The following PIKFYVE variants were observed in gnomAD, a reference collection of about 807,000 sequenced individuals.
PIKFYVE encodes the protein 1-phosphatidylinositol 3-phosphate 5-kinase.
Under a neutral mutation model 257.9 loss-of-function variants are expected in PIKFYVE, and 122 were observed. That is an observed-to-expected ratio of 0.47 (90% confidence interval 0.41 to 0.55). PIKFYVE has a LOEUF of 0.55. Among genes scored for constraint, PIKFYVE ranks in the 20% least tolerant of loss-of-function variants. PIKFYVE has a pLI of 0.00. For missense variants in PIKFYVE, 2,160 were observed against 2,536.6 expected (o/e 0.85, Z 3.19); for synonymous variants, 892 against 868.9 (o/e 1.03, Z -0.47).
Position 208,317,897 on chromosome 2 carries a change from G to T in PIKFYVE, c.2038G>T (p.Val680Phe). The T allele has an allele frequency of 6.2e-7, 1 of 1,613,888 alleles. No homozygotes were observed. ...AGGTGGAAAGAAGTTTGATTCTGTG[G>T]TTGTCAATGGCTTTGTTTGTACCAA... Reference protein sequence around the residue: ...IPGGKKFDSVVVNGFVCTKNI... With the variant: ...IPGGKKFDSVFVNGFVCTKNI... The change falls in exon 16 of 42, where the codon GTT becomes TTT. Residue 680 changes from valine to phenylalanine, a missense_variant. This residue lies in a region of PIKFYVE where 346 missense variants were observed against 365.6 expected (regional missense o/e 0.95). Transcript: ENST00000264380.
intron 3 of PIKFYVE, among the ~76,000 whole-genome samples, chr2:208,275,906 T>C (rs1223409021): frequency 2.0e-5 from 3 of 152,234 alleles, no homozygotes; most frequent in African/African-American, 7.2e-5. Flanking sequence ...GTTGTAATTT[T>C]GGTCTAAATT....
intron 5 of PIKFYVE, among the ~76,000 whole-genome samples, chr2:208,278,655 G>A (rs1392347175): frequency 1.3e-5 from 2 of 152,040 alleles, no homozygotes; most frequent in Admixed American, 6.6e-5. Context: ...GAGAGCTTGC[G>A]GCATTTGGTT....
chr2:208,278,446 G>A (rs79148532), intron 5 of PIKFYVE, among the ~76,000 whole-genome samples: 2,953 of 150,792 alleles, frequency 0.02, 40 homozygotes, highest in African/African-American at 0.038. Flanking sequence ...TTAGATTCAT[G>A]TTTGTTACAG....
intron 12 of PIKFYVE, among the ~76,000 whole-genome samples, chr2:208,307,070 T>C (rs1422445305): frequency 6.6e-6 from 1 of 152,164 alleles, no homozygotes; most frequent in Admixed American, 6.6e-5. Flanking sequence ...TAAGCCACTG[T>C]GCCTGGCCCT....
At chr2:208,277,070 G>C (rs1690205485) in intron 4 of PIKFYVE, among the ~76,000 whole-genome samples, 1 of 152,158 alleles carries the variant, frequency 6.6e-6, no homozygotes, top group Admixed American at 6.6e-5. Flanking sequence ...GTTCAGGGCA[G>C]TAGATATTCT....
intron 12 of PIKFYVE, 53 bp downstream of exon 12, chr2:208,305,066 T>C (rs1421585222): frequency 2.5e-6 from 4 of 1,610,104 alleles, no homozygotes; most frequent in Non-Finnish European, 2.5e-6. Flanking sequence ...AGCTGGGCCA[T>C]AGGATCTCAT....
rs556493845 is a variant in PIKFYVE at position 208,287,359 on chromosome 2, C to T, written c.822-1370C>T. On this transcript the variant is annotated intron_variant, in intron 6 of 41. Coordinates refer to ENST00000264380, the MANE Select transcript of PIKFYVE (RefSeq NM_015040.4). ...CACGATCTCGGCTCACTGCAACCTTCTTTTCCTGGGTTCAAGCGATTCTCC... is the reference window on the plus strand; with the variant it reads ...CACGATCTCGGCTCACTGCAACCTTTTTTTCCTGGGTTCAAGCGATTCTCC... Among the ~76,000 whole-genome samples the T allele has an allele frequency of 7.3e-5, 11 of 150,104 alleles. No homozygotes were observed. The East Asian group carries it at 2.2e-3, about 29-fold the overall frequency.
rs951956920 is a variant in PIKFYVE, at chr2:208,354,727, T to C, written c.6181+82T>C. ...TTAAAAGTGGATACTGATTCTTTTTTTTAGTTGTAAAAAATAAGTGGTTAT... is the reference window on the plus strand; with the variant it reads ...TTAAAAGTGGATACTGATTCTTTTTCTTAGTTGTAAAAAATAAGTGGTTAT... On this transcript the variant is annotated intron_variant, in intron 41 of 41. Coordinates refer to ENST00000264380, the MANE Select transcript of PIKFYVE (RefSeq NM_015040.4). The C allele has an allele frequency of 3.8e-5, 42 of 1,105,032 alleles. No homozygotes were observed. The African/African-American group carries it at 6.1e-4, about 16-fold the overall frequency. The allele number at this position is 1,105,032 out of a possible 1,614,324, so 68.5% of individuals were successfully genotyped here. A position where few individuals can be genotyped will look rare whatever the true frequency, so the allele number is the denominator to read the frequency against.
At chr2:208,305,220 G>T in intron 12 of PIKFYVE, 2 of 1,457,046 alleles carry the variant, frequency 1.4e-6, no homozygotes, top group Middle Eastern at 2.5e-4. Flanking sequence ...TTCTCCCTCA[G>T]CACCACCATG....
At chr2:208,306,919 C>T (rs1345504837) in intron 12 of PIKFYVE, among the ~76,000 whole-genome samples, 1 of 151,998 alleles carries the variant, frequency 6.6e-6, no homozygotes, top group African/African-American at 2.4e-5. Context: ...CTGGGATTAC[C>T]AGTGCGCACC....
chr2:208,345,328 G>T lies in PIKFYVE; in HGVS notation c.5111+134G>T. On this transcript the variant is annotated intron_variant, in intron 33 of 41. Coordinates refer to ENST00000264380, the MANE Select transcript of PIKFYVE (RefSeq NM_015040.4). Reference sequence around the variant, plus strand: ...TTCAGATAGTGGCACTCATATTTCAGCCAATAATTGAGACAACAAAGCTCA... The same window carrying T: ...TTCAGATAGTGGCACTCATATTTCATCCAATAATTGAGACAACAAAGCTCA... 10 of 758,336 alleles carry T rather than the reference G, an allele frequency of 1.3e-5. No individual in the cohort carries two copies. In the South Asian group the frequency reaches 1.7e-4, roughly 13 times the overall value. 47.0% of individuals were successfully genotyped at this position (758,336 alleles called of 1,614,324 possible).
chr2:208,298,208 A>G (rs539316941), intron 7 of PIKFYVE, among the ~76,000 whole-genome samples: 1 of 152,342 alleles, frequency 6.6e-6, no homozygotes, highest in Non-Finnish European at 1.5e-5. Flanking sequence ...CTGATCTGCA[A>G]GATTATTTCT....
chr2:208,280,614 C>T (rs779145420), intron 5 of PIKFYVE, among the ~76,000 whole-genome samples: 20 of 152,172 alleles, frequency 1.3e-4, no homozygotes, highest in Middle Eastern at 3.2e-3. Flanking sequence ...ACATTTCTGG[C>T]AGTGTAGTGG....
chr2:208,355,175 C>T lies in PIKFYVE; in HGVS notation c.6182-15C>T, dbSNP rs1396601880. 6.9e-6 allele frequency: 11 copies of T among 1,595,570 alleles called. No individual in the cohort carries two copies. The highest frequency in any genetic ancestry group is 9.5e-6 in the Non-Finnish European group (11 of 1,163,386). On this transcript the variant is annotated splice_polypyrimidine_tract_variant and intron_variant, in intron 41 of 41. Coordinates refer to ENST00000264380, the MANE Select transcript of PIKFYVE (RefSeq NM_015040.4). Reference sequence around the variant, plus strand: ...TATAACAGCTTTTTCCCCCTTTTCTCTTTCATAATCTCAGGTAAAATGCCA... The same window carrying T: ...TATAACAGCTTTTTCCCCCTTTTCTTTTTCATAATCTCAGGTAAAATGCCA...
chr2:208,271,135 G>A (rs1320542269), intron 1 of PIKFYVE, among the ~76,000 whole-genome samples: 1 of 151,998 alleles, frequency 6.6e-6, no homozygotes, highest in Non-Finnish European at 1.5e-5. Flanking sequence ...AAAAGCTGTT[G>A]TGTATCCCTT....
In PIKFYVE at chr2:208,324,891, A is replaced by C. The variant is rs561224498; in HGVS notation, c.2332-20A>C. On this transcript the variant is annotated intron_variant, in intron 18 of 41. Coordinates refer to ENST00000264380, the MANE Select transcript of PIKFYVE (RefSeq NM_015040.4). ...TTATTCTTCTCTAGTTTTGTAATAC[A>C]ATGTTTTTCTGTTTTGTAGCAAGTT... The C allele has an allele frequency of 8.6e-5, 138 of 1,612,118 alleles. 2 individuals are homozygous for C. In the South Asian group the frequency reaches 1.4e-3, roughly 17 times the overall value.
At chr2:208,330,727 C>A in intron 23 of PIKFYVE, 33 bp downstream of exon 23, 1 of 1,579,712 alleles carries the variant, frequency 6.3e-7, no homozygotes, top group Admixed American at 1.7e-5. Context: ...TTTTGTTTGC[C>A]ATTTATTTCT....
Position 208,271,502 on chromosome 2 carries a change from G to C in PIKFYVE, c.-9-9G>C, listed in dbSNP as rs564223902. On this transcript the variant is annotated splice_polypyrimidine_tract_variant and intron_variant, in intron 1 of 41. Transcript: ENST00000264380. ...ATTTAGATTTTTGCTTGTTTCTTTT[G>C]TTTTTCAGACTCATGAAATGGCCAC... is the stretch of plus-strand genomic sequence containing the variant. The C allele has an allele frequency of 3.7e-6, 6 of 1,613,838 alleles. No homozygotes were observed. In the East Asian group the frequency reaches 8.9e-5, roughly 24 times the overall value.
chr2:208,338,699 C>G, intron 29 of PIKFYVE, 131 bp downstream of exon 29: 1 of 800,610 alleles, frequency 1.2e-6, no homozygotes, highest in East Asian at 2.6e-5. Context: ...TCCTGTAGAG[C>G]ACTTGTAATC....
Sources: gnomAD v4.1 joint callset for allele counts (sites outside exome capture counted in the v4.1 genomes callset) on GRCh38, gnomAD v4.1.1 for gene constraint, gnomAD v4.1.1 regional missense constraint, MANE v1.5 for transcripts, NCBI Gene and HGNC (gene_info 2026-07-23, HGNC 2026-07-21) for gene names.